Variants in CCDC97 observed in about 807,000 individuals in gnomAD.
CCDC97 encodes coiled-coil domain-containing protein 97.
Under a neutral mutation model 33.9 loss-of-function variants are expected in CCDC97, and 27 were observed. The observed-to-expected ratio is 0.80, with a 90% CI of 0.59 to 1.10. The LOEUF (loss-of-function observed/expected upper bound fraction) is 1.10. CCDC97 is among the 50% of genes least tolerant of loss of function. The probability of loss-of-function intolerance (pLI) is 0.00; values close to 1 mark genes in which losing one functional copy is unlikely to be tolerated. For missense variants in CCDC97, 422 were observed against 476.6 expected, an observed-to-expected ratio of 0.89 and a Z score of 1.07; for synonymous variants, 217 against 194.0, an observed-to-expected ratio of 1.12 and a Z score of -0.99.
chr19:41,320,586 A>G (rs1247818190), intron 4 of CCDC97, 116 bp downstream of exon 4: 2 of 1,351,882 alleles, frequency 1.5e-6, no homozygotes, highest in East Asian at 2.4e-5. Flanking sequence ...CAAGGCCCCA[A>G]AACAGTTCCA....
In CCDC97 at chr19:41,319,086, T is replaced by C. The variant is rs150062988; in HGVS notation, c.503-488T>C. 2.8e-4 allele frequency among the ~76,000 whole-genome samples: 42 copies of C among 152,310 alleles called. No homozygotes were observed. In the East Asian group the frequency reaches 7.3e-3, roughly 27 times the overall value. On this transcript the variant is annotated intron_variant, in intron 2 of 4. Transcript: ENST00000269967. Reference sequence around the variant, plus strand: ...TGTACATAGGCCATGTACACGTCCATGGGCAGGAGCTTGTGCATCGTGCCT... The same window carrying C: ...TGTACATAGGCCATGTACACGTCCACGGGCAGGAGCTTGTGCATCGTGCCT...
In CCDC97 at chr19:41,316,940, C is replaced by T. The variant is rs192525694; in HGVS notation, c.502+101C>T. The T allele has an allele frequency of 1.5e-3, 1,382 of 932,680 alleles. 2 individuals carry two copies. The highest frequency in any genetic ancestry group is 1.6e-3 in the Non-Finnish European group (1,041 of 632,342). The allele number at this position is 932,680 out of a possible 1,614,324, so 57.8% of individuals were successfully genotyped here. A position where few individuals can be genotyped will look rare whatever the true frequency, so the allele number is the denominator to read the frequency against. On this transcript the variant is annotated intron_variant, in intron 2 of 4. Coordinates refer to ENST00000269967, the MANE Select transcript of CCDC97 (RefSeq NM_052848.3). ...AGAATACAAGAGCAGAGACAGAGATCCTGGGAGAGAAGTTCTGAGACAGAG... is the reference window on the plus strand; with the variant it reads ...AGAATACAAGAGCAGAGACAGAGATTCTGGGAGAGAAGTTCTGAGACAGAG...
At chr19:41,322,385 C>T (rs2037833060) in intron 4 of CCDC97, among the ~76,000 whole-genome samples, 1 of 152,354 alleles carries the variant, frequency 6.6e-6, no homozygotes, top group South Asian at 2.1e-4. Flanking sequence ...AGCCACCATG[C>T]CCAGCCCAGA....
intron 1 of CCDC97, among the ~76,000 whole-genome samples, chr19:41,313,231 C>G (rs1054855777): frequency 9.2e-5 from 14 of 152,164 alleles, no homozygotes; most frequent in African/African-American, 3.1e-4. Context: ...TGTGCCCTCC[C>G]CAGTCCCTAC....
chr19:41,320,163 T>G (rs2037805561), intron 3 of CCDC97, among the ~76,000 whole-genome samples, 178 bp from the exon 4 acceptor site: 1 of 152,080 alleles, frequency 6.6e-6, no homozygotes, highest in Admixed American at 6.6e-5. Flanking sequence ...CACTATATGG[T>G]CATGTGTTTT....
intron 1 of CCDC97, among the ~76,000 whole-genome samples, chr19:41,315,431 A>G (rs2037734294): frequency 6.6e-6 from 1 of 151,370 alleles, no homozygotes; most frequent in South Asian, 2.1e-4. Context: ...ACATAGCGAA[A>G]CCCTGTCTCT....
intron 1 of CCDC97, among the ~76,000 whole-genome samples, chr19:41,314,817 C>T (rs1312380952): frequency 6.6e-6 from 1 of 151,734 alleles, no homozygotes; most frequent in Non-Finnish European, 1.5e-5. Context: ...CTGGGCAACA[C>T]AGCAAGACCC....
Position 41,320,456 on chromosome 19 carries a change from G to A in CCDC97, c.897G>A (p.Gly299=). 2 of 1,613,986 alleles carry A rather than the reference G, an allele frequency of 1.2e-6. No individual in the cohort carries two copies. The highest frequency in any genetic ancestry group is 1.7e-6 in the Non-Finnish European group (2 of 1,179,938). The part of the protein sequence containing the change: ...MHQRFLDGKD[G]DFDYSTVDDN... ...AGCGCTTCCTAGATGGCAAGGACGG[G>A]GACTTTGACTACAGGTGCTCCTGTG... Residue 299 remains glycine (G), a synonymous_variant, in exon 4 of 5, where the codon GGG becomes GGA. Transcript: ENST00000269967.
intron 4 of CCDC97, among the ~76,000 whole-genome samples, chr19:41,322,376 G>A (rs945270782): frequency 6.6e-6 from 1 of 152,242 alleles, no homozygotes; most frequent in Non-Finnish European, 1.5e-5. Context: ...GCAGGCATGA[G>A]CCACCATGCC....
At chr19:41,318,346 G>C (rs1041105199) in intron 2 of CCDC97, among the ~76,000 whole-genome samples, 15 of 152,208 alleles carry the variant, frequency 9.9e-5, no homozygotes, top group African/African-American at 3.4e-4. Context: ...CAGCTACTCA[G>C]GAGGCTGAGG....
At chr19:41,310,638 A>C in intron 1 of CCDC97, 1 of 985,228 alleles carries the variant, frequency 1.0e-6, no homozygotes, top group Non-Finnish European at 1.2e-6. Flanking sequence ...TCTCAAATTA[A>C]CAGAAACCTC....
At position 41,320,357 on chromosome 19, in the gene CCDC97, GGACTCGGAGGCCTGGGTTCCC is replaced by G. The variant is rs1265751432; in HGVS notation, c.809_829del (p.Ala270_Glu276del). ...CCTCTGCAGACCAGAGGTCAGGCAAGGACTCGGAGGCCTGGGTTCCCGACTCGGAGGAGAGGCTGATCCTGC... is the reference window on the plus strand; with the variant it reads ...CCTCTGCAGACCAGAGGTCAGGCAAGGACTCGGAGGAGAGGCTGATCCTGC... On this transcript the variant is annotated inframe_deletion, in exon 4 of 5. Coordinates refer to ENST00000269967, the MANE Select transcript of CCDC97 (RefSeq NM_052848.3). The G allele has an allele frequency of 6.2e-7, 1 of 1,614,092 alleles. No individual in the cohort carries two copies. Among genetic ancestry groups the G allele is most frequent in the Admixed American group, 1.7e-5 (1 of 60,024 alleles).
chr19:41,317,559 CA>C (rs1205533102), intron 2 of CCDC97, among the ~76,000 whole-genome samples: 1 of 151,682 alleles, frequency 6.6e-6, no homozygotes, highest in East Asian at 1.9e-4. Flanking sequence ...GCTGTCTCTA[CA>C]AAAAATACAA....
At position 41,322,586 on chromosome 19, in the gene CCDC97, C is replaced by T; in HGVS notation, c.912-9C>T. 6.2e-7 allele frequency: 1 copy of T among 1,612,242 alleles called. No homozygotes were observed. Among genetic ancestry groups the T allele is most frequent in the Non-Finnish European group, 8.5e-7 (1 of 1,178,878 alleles). On this transcript the variant is annotated splice_polypyrimidine_tract_variant and intron_variant, in intron 4 of 4. Coordinates refer to ENST00000269967, the MANE Select transcript of CCDC97 (RefSeq NM_052848.3). ...AGACCCAGTCCTTGACAGCCTCCTC[C>T]TCCTGCAGCACAGTAGACGACAACC...
intron 4 of CCDC97, among the ~76,000 whole-genome samples, chr19:41,322,066 CA>C (rs2037830248): frequency 6.6e-6 from 1 of 152,192 alleles, no homozygotes; most frequent in Non-Finnish European, 1.5e-5. Flanking sequence ...CATGTGTCGC[CA>C]CATTTTACAG....
At chr19:41,317,874 C>A (rs1159699196) in intron 2 of CCDC97, among the ~76,000 whole-genome samples, 1 of 150,658 alleles carries the variant, frequency 6.6e-6, no homozygotes, top group Non-Finnish European at 1.5e-5. Flanking sequence ...CATGGTGAAA[C>A]CCCATCTCTA....
Position 41,310,260 on chromosome 19 carries a change from A to C in CCDC97, c.-51A>C, listed in dbSNP as rs368710855. On this transcript the variant is annotated 5_prime_UTR_variant, in exon 1 of 5. Transcript: ENST00000269967. ...AGTGTCTCTTGCGTGCGTGGGCCGG[A>C]GGTTAGTGTGCGGGGCCCGCCGGGC... The C allele has an allele frequency of 1.0e-4, 161 of 1,565,188 alleles. No homozygotes were observed. In the African/African-American group the frequency reaches 1.9e-3, roughly 19 times the overall value.
chr19:41,314,127 G>T (rs979130757), intron 1 of CCDC97, among the ~76,000 whole-genome samples: 6 of 151,954 alleles, frequency 3.9e-5, no homozygotes, highest in Non-Finnish European at 8.8e-5. Flanking sequence ...CTGACTTAGG[G>T]CCTCTCAGAG....
Position 41,316,679 on chromosome 19 carries a change from C to T in CCDC97, c.342C>T (p.Gly114=), listed in dbSNP as rs1446470921. The T allele has an allele frequency of 2.5e-6, 4 of 1,614,100 alleles. No homozygotes were observed. The highest frequency in any genetic ancestry group is 3.3e-4 in the Middle Eastern group (2 of 6,062). ...PLVFLERFRT[G]LREEHLACFG... is the part of the protein sequence containing the mutation. ...TGTTCCTGGAGCGCTTCCGCACAGG[C>T]CTCCGTGAGGAGCATCTGGCCTGCT... The change falls in exon 2 of 5, where the codon GGC becomes GGT. Residue 114 remains glycine, a synonymous_variant. Transcript: ENST00000269967.
Sources: gnomAD v4.1 joint callset for allele counts (sites outside exome capture counted in the v4.1 genomes callset) on GRCh38, gnomAD v4.1.1 for gene constraint, MANE v1.5 for transcripts, NCBI Gene and HGNC (gene_info 2026-07-23, HGNC 2026-07-21) for gene names.